KLK8: variants seen among roughly 807,000 people sequenced by gnomAD.
The protein encoded by KLK8 is kallikrein related peptidase 8.
KLK8 carries 18 observed loss-of-function variants against 26.7 expected under a neutral mutation model. The observed-to-expected ratio is 0.67, with a 90% confidence interval of 0.47 to 1.00. The LOEUF is 1.00. KLK8 is among the 50% of genes least tolerant of loss of function. KLK8 has a pLI of 0.00. For missense variants in KLK8, 301 were observed against 331.7 expected (o/e 0.91, Z 0.72); for synonymous variants, 137 against 127.1 (o/e 1.08, Z -0.52).
exon 6 of KLK8, chr19:50,997,800 G>T (rs751834398): frequency 6.8e-6 from 11 of 1,614,040 alleles, no homozygotes; most frequent in Non-Finnish European, 9.3e-6. Context: ...CATGCCATCT[G>T]TGATCTGCCC....
intron 2 of KLK8, 132 bp downstream of exon 1, chr19:51,001,400 T>G: frequency 3.8e-6 from 2 of 531,508 alleles, no homozygotes; most frequent in South Asian, 2.4e-5. Flanking sequence ...ACTCCTAAAT[T>G]AGGGAGAGGA....
At chr19:50,998,574 T>G (rs1192029647) in intron 5 of KLK8, among the ~76,000 whole-genome samples, 2 of 152,214 alleles carry the variant, frequency 1.3e-5, no homozygotes, top group Non-Finnish European at 2.9e-5. Context: ...TAACCTCTTT[T>G]GAGGAATAGA....
At chr19:50,998,340 C>T (rs751828758) in intron 5 of KLK8, among the ~76,000 whole-genome samples, 1 of 152,176 alleles carries the variant, frequency 6.6e-6, no homozygotes, top group Non-Finnish European at 1.5e-5. Flanking sequence ...TATCCTTTTA[C>T]GCTCCACAAT....
chr19:51,001,075 G>T, intron 3 of KLK8, 23 bp downstream of exon 2: 14 of 1,602,200 alleles, frequency 8.7e-6, no homozygotes, highest in Non-Finnish European at 1.2e-5. Context: ...CTCCCCTCCG[G>T]AGGCCTCCGC....
chr19:50,998,061 A>G, intron 5 of KLK8, 177 bp from the exon 5 acceptor site: 2 of 699,846 alleles, frequency 2.9e-6, no homozygotes, highest in Non-Finnish European at 4.7e-6. Context: ...ACGAAGCTGT[A>G]CTTGTTGCTA....
At chr19:51,000,569 G>T in exon 4 of KLK8, 2 of 1,614,016 alleles carry the variant, frequency 1.2e-6, no homozygotes, top group Non-Finnish European at 1.7e-6. Context: ...TTGTCCTCCT[G>T]TGCCCTGGAG....
In KLK8 at chr19:50,999,583, C is replaced by CAAAAAAAAAAAAAAAAAAAA. The variant is rs56988162; in HGVS notation, c.493+393_493+412dup. Among the ~76,000 whole-genome samples, 3 of 30,296 alleles carry CAAAAAAAAAAAAAAAAAAAA rather than the reference C, an allele frequency of 9.9e-5. 1 individual carries two copies. The highest frequency in any genetic ancestry group is 2.1e-4 in the Non-Finnish European group (3 of 14,196). 19.9% of individuals were successfully genotyped at this position (30,296 alleles called of 152,430 possible). A position where few individuals can be genotyped will look rare whatever the true frequency, so the allele number is the denominator to read the frequency against. ...GATTGAGTGAAACTGTGTCCCCCTG[C>CAAAAAAAAAAAAAAAAAAAA]AAAAAAAAAAAAAAAAAAAAAAAAA... On this transcript the variant is annotated intron_variant, in intron 5 of 6. Transcript: ENST00000600767.
chr19:50,997,060 TG>T (rs2091177046), intron 6 of KLK8, among the ~76,000 whole-genome samples: 1 of 151,978 alleles, frequency 6.6e-6, no homozygotes, highest in East Asian at 1.9e-4. Flanking sequence ...TTTTGGCCAA[TG>T]GGGAAGAAAG....
At chr19:51,000,190 A>G in exon 5 of KLK8, 2 of 1,609,670 alleles carry the variant, frequency 1.2e-6, no homozygotes, top group Non-Finnish European at 1.7e-6. Flanking sequence ...GGACTGAACC[A>G]CAGGTATTTC....
At chr19:51,000,840 G>A in intron 3 of KLK8, 1 of 1,048,426 alleles carries the variant, frequency 9.5e-7, no homozygotes. Context: ...GTGAATCTAT[G>A]CCCCCAAGCA....
chr19:50,997,892 G>A lies in KLK8; in HGVS notation c.494-8C>T, dbSNP rs1191805280. On this transcript the variant is annotated splice_region_variant and splice_polypyrimidine_tract_variant and intron_variant, in intron 5 of 6. Coordinates refer to ENST00000600767, the Ensembl canonical transcript of KLK8. ...GAGTGTCAGGAAAATTCTCTGAGGG[G>A]GAAGAGGTTGTAAGGTTCCCTGAGA... is the stretch of plus-strand genomic sequence containing the variant. 1 of 1,613,772 alleles carries A rather than the reference G, an allele frequency of 6.2e-7. No homozygotes were observed. The highest frequency in any genetic ancestry group is 2.2e-5 in the East Asian group (1 of 44,894).
chr19:51,000,525 C>T (rs756295592), exon 4 of KLK8: 10 of 1,614,054 alleles, frequency 6.2e-6, no homozygotes, highest in Middle Eastern at 3.3e-4. Flanking sequence ...GCCAAGGCTG[C>T]GAATGGGGTT....
chr19:50,999,568 A>G (rs1435401797), intron 5 of KLK8, among the ~76,000 whole-genome samples: 4 of 122,044 alleles, frequency 3.3e-5, no homozygotes, highest in African/African-American at 1.3e-4. Flanking sequence ...GATTGAGTGA[A>G]ACTGTGTCCC....
At chr19:51,001,108 T>C (rs1568556708) in exon 3 of KLK8, 3 of 1,611,554 alleles carry the variant, frequency 1.9e-6, no homozygotes, top group Non-Finnish European at 2.5e-6. Context: ...CTGCCCAGGC[T>C]CCCCCCAGCA....
At chr19:51,000,797 C>A in intron 3 of KLK8, 1 of 1,402,178 alleles carries the variant, frequency 7.1e-7, no homozygotes, top group Admixed American at 2.5e-5. Flanking sequence ...CCACATGCTT[C>A]CACATGAGTC....
chr19:50,999,677 G>C (rs35458818), intron 5 of KLK8, among the ~76,000 whole-genome samples: 8 of 141,690 alleles, frequency 5.6e-5, no homozygotes, highest in African/African-American at 2.1e-4. Flanking sequence ...GGGCCTCTGA[G>C]AAGTCCAAAT....
chr19:50,996,029 A>T, exon 7 of KLK8: 1 of 1,611,644 alleles, frequency 6.2e-7, no homozygotes, highest in South Asian at 1.1e-5. Context: ...TTGTGAGTTT[A>T]TTAAGGGAGA....
At chr19:51,001,352 A>T (rs1046868265) in intron 2 of KLK8, among the ~76,000 whole-genome samples, 177 bp from the exon 2 acceptor site, 6 of 151,910 alleles carry the variant, frequency 3.9e-5, no homozygotes, top group Middle Eastern at 3.4e-3. Context: ...GGAGTCCTCG[A>T]TGTCTGGGTC....
At chr19:50,996,345 C>T in intron 6 of KLK8, 131 bp from the exon 6 acceptor site, 2 of 914,726 alleles carry the variant, frequency 2.2e-6, no homozygotes, top group Admixed American at 2.4e-5. Flanking sequence ...AAGCATTGTC[C>T]CCTGAGACCA....
Sources: allele counts gnomAD v4.1 joint callset (sites outside exome capture counted in the v4.1 genomes callset), GRCh38; gene constraint gnomAD v4.1.1; transcripts MANE v1.5; gene names NCBI Gene and HGNC (gene_info 2026-07-23, HGNC 2026-07-21).